The following PSKH1 variants were observed in gnomAD, a reference collection of about 807,000 sequenced individuals.
PSKH1 encodes protein serine kinase H1.
Under a neutral mutation model 26.7 loss-of-function variants are expected in PSKH1, and 12 were observed. The observed-to-expected ratio is 0.45, with a 90% confidence interval of 0.29 to 0.73. The LOEUF is 0.73. Ranked by LOEUF, PSKH1 falls within the 30% of genes least tolerant of loss-of-function variation. The probability of loss-of-function intolerance (pLI) is 0.11; values close to 1 mark genes in which losing one functional copy is unlikely to be tolerated. For synonymous variants in PSKH1, 213 were observed against 234.3 expected (o/e 0.91, Z 0.83); for missense variants, 431 against 595.2 (o/e 0.72, Z 2.87).
In PSKH1 at chr16:67,927,653, T is replaced by C; in HGVS notation, c.*11T>C. 1 of 1,592,330 alleles carries C rather than the reference T, an allele frequency of 6.3e-7. No individual in the cohort carries two copies. The highest frequency in any genetic ancestry group is 1.1e-5 in the South Asian group (1 of 89,986). Reference sequence around the variant, plus strand: ...CAATACAATGGCTGAGCCGCCTGGCTGTGCACACATGCAGCACGACCCAGC... The same window carrying C: ...CAATACAATGGCTGAGCCGCCTGGCCGTGCACACATGCAGCACGACCCAGC... On this transcript the variant is annotated 3_prime_UTR_variant, in exon 3 of 3. Transcript: ENST00000291041. This position sits in a 1 kb window ranked among gnomAD's most constrained non-coding sequence, Gnocchi z 5.5.
At chr16:67,907,761 A>G (rs966888839) in intron 1 of PSKH1, among the ~76,000 whole-genome samples, 4 of 152,168 alleles carry the variant, frequency 2.6e-5, no homozygotes, top group Non-Finnish European at 4.4e-5. Context: ...GGGACAGTGC[A>G]TTAGCAAAGG....
At chr16:67,925,091 C>T (rs1165043755) in intron 2 of PSKH1, among the ~76,000 whole-genome samples, 1 of 152,134 alleles carries the variant, frequency 6.6e-6, no homozygotes, top group Non-Finnish European at 1.5e-5. Flanking sequence ...AGGCGGAAGC[C>T]ACTGCTCCTG....
intron 2 of PSKH1, among the ~76,000 whole-genome samples, chr16:67,923,688 C>T (rs2058209106): frequency 6.6e-6 from 1 of 152,266 alleles, no homozygotes; most frequent in Non-Finnish European, 1.5e-5. Context: ...CCTGTGCCAT[C>T]TGTCAGCCAA....
chr16:67,921,048 A>G (rs1213106946), intron 2 of PSKH1, among the ~76,000 whole-genome samples: 1 of 152,086 alleles, frequency 6.6e-6, no homozygotes, highest in Non-Finnish European at 1.5e-5. Context: ...TGGGAGGCCA[A>G]GGTGGGTGGC....
At chr16:67,902,538 C>T (rs546262104) in intron 1 of PSKH1, among the ~76,000 whole-genome samples, 4 of 152,234 alleles carry the variant, frequency 2.6e-5, no homozygotes, top group Admixed American at 6.5e-5. Context: ...CCTTGTGATC[C>T]GCCCACCTCA....
At chr16:67,913,832 A>G (rs988005450) in intron 2 of PSKH1, among the ~76,000 whole-genome samples, 15 of 152,312 alleles carry the variant, frequency 9.8e-5, no homozygotes, top group Admixed American at 2.0e-4. Flanking sequence ...TGTTGATAAC[A>G]CTGACCTATA....
At position 67,909,662 on chromosome 16, in the gene PSKH1, C is replaced by T; in HGVS notation, c.913C>T (p.Leu305=). The T allele has an allele frequency of 1.2e-6, 2 of 1,613,550 alleles. No homozygotes were observed. Among genetic ancestry groups the T allele is most frequent in the Non-Finnish European group, 1.7e-6 (2 of 1,180,024 alleles). Residue 305 remains leucine (L), a synonymous_variant, in exon 2 of 3, where the codon CTG becomes TTG. Transcript: ENST00000291041. This position sits in a 1 kb window ranked among gnomAD's most constrained non-coding sequence, Gnocchi z 7.8. The stretch of plus-strand genomic sequence containing the variant: ...GTTTGAGGATGACAACCGTACCCGG[C>T]TGTACCGGCAGATCCTCAGGGGCAA... ...MPFEDDNRTR[L]YRQILRGKYS...
intron 2 of PSKH1, among the ~76,000 whole-genome samples, chr16:67,912,881 A>T (rs909366191): frequency 1.3e-5 from 2 of 150,416 alleles, no homozygotes; most frequent in East Asian, 4.0e-4. Flanking sequence ...AAAAAGAAAC[A>T]AAAAAAAAGA....
chr16:67,894,564 C>G (rs1272093168), intron 1 of PSKH1, among the ~76,000 whole-genome samples: 1 of 152,200 alleles, frequency 6.6e-6, no homozygotes, highest in Non-Finnish European at 1.5e-5. Context: ...TGAGATGTCA[C>G]TTCCTAGGAA....
At position 67,909,687 on chromosome 16, in the gene PSKH1, A is replaced by C; in HGVS notation, c.938A>C (p.Lys313Thr). The change falls in exon 2 of 3, where the codon AAG (lysine) becomes ACG (threonine). Residue 313 changes from lysine to threonine, a missense_variant. Coordinates refer to ENST00000291041, the MANE Select transcript of PSKH1 (RefSeq NM_006742.3). This position sits in a 1 kb window ranked among gnomAD's most constrained non-coding sequence, Gnocchi z 7.8. ...CTGTACCGGCAGATCCTCAGGGGCAAGTACAGTTACTCTGGGGAGGTGAGT... is the reference window on the plus strand; with the variant it reads ...CTGTACCGGCAGATCCTCAGGGGCACGTACAGTTACTCTGGGGAGGTGAGT... ...TRLYRQILRG[K>T]YSYSGEPWPS... The C allele has an allele frequency of 6.2e-7, 1 of 1,612,222 alleles. No homozygotes were observed. The highest frequency in any genetic ancestry group is 8.5e-7 in the Non-Finnish European group (1 of 1,179,906).
chr16:67,901,352 G>C (rs1026645535), intron 1 of PSKH1, among the ~76,000 whole-genome samples: 1 of 152,160 alleles, frequency 6.6e-6, no homozygotes, highest in Non-Finnish European at 1.5e-5. Context: ...TTCTTTAAGA[G>C]ACGGAGTTTC....
chr16:67,925,832 C>T (rs543292524), intron 2 of PSKH1, among the ~76,000 whole-genome samples: 9 of 152,206 alleles, frequency 5.9e-5, no homozygotes, highest in Middle Eastern at 3.4e-3. Context: ...TTCCTCAGGA[C>T]GGTGGAAGCG....
intron 1 of PSKH1, among the ~76,000 whole-genome samples, chr16:67,908,272 T>G (rs1567399007): frequency 6.6e-6 from 1 of 151,952 alleles, no homozygotes; most frequent in Non-Finnish European, 1.5e-5. Context: ...GACTTCAGTT[T>G]TTTGTTTGTT....
intron 1 of PSKH1, among the ~76,000 whole-genome samples, chr16:67,906,607 C>T (rs374095768): frequency 5.3e-5 from 8 of 152,150 alleles, no homozygotes; most frequent in Admixed American, 2.0e-4. Flanking sequence ...TCAAGTGATC[C>T]GCCCACCTCG....
At position 67,916,993 on chromosome 16, in the gene PSKH1, C is replaced by T. The variant is rs375318363; in HGVS notation, c.957+7287C>T. ...CACCACAGGCCTGAGCCATTGCCCC[C>T]ATTCACTCTCCACACCAAGCTTCTG... is the stretch of plus-strand genomic sequence containing the variant. On this transcript the variant is annotated intron_variant, in intron 2 of 2. Transcript: ENST00000291041. Among the ~76,000 whole-genome samples, 163 of 152,328 alleles carry T rather than the reference C, an allele frequency of 1.1e-3. 2 individuals carry two copies. The highest frequency in any genetic ancestry group is 3.5e-4 in the Non-Finnish European group (24 of 68,016).
chr16:67,927,797 C>T lies in PSKH1; in HGVS notation c.*155C>T. ...CCTTTCTCTGTGCCTTCAGCAGCCC[C>T]TGTCCTCACCATGGGCCTGGGCCAG... is the stretch of plus-strand genomic sequence containing the variant. On this transcript the variant is annotated 3_prime_UTR_variant, in exon 3 of 3. Transcript: ENST00000291041. This position sits in a 1 kb window ranked among gnomAD's most constrained non-coding sequence, Gnocchi z 5.5. The T allele has an allele frequency of 2.2e-6, 2 of 900,760 alleles. No individual in the cohort carries two copies. Among genetic ancestry groups the T allele is most frequent in the Non-Finnish European group, 3.3e-6 (2 of 608,932 alleles). The allele number at this position is 900,760 out of a possible 1,614,324, so 55.8% of individuals were successfully genotyped here.
intron 1 of PSKH1, among the ~76,000 whole-genome samples, chr16:67,898,863 C>T (rs1389979512): frequency 5.3e-5 from 8 of 152,040 alleles, no homozygotes; most frequent in Non-Finnish European, 1.0e-4. Context: ...CCTCGTGATC[C>T]GCCTGCCTCA....
chr16:67,904,559 C>T (rs1229136198), intron 1 of PSKH1, among the ~76,000 whole-genome samples: 1 of 152,014 alleles, frequency 6.6e-6, no homozygotes, highest in Non-Finnish European at 1.5e-5. Flanking sequence ...AGGCTGGTCT[C>T]AAACTCCCTA....
chr16:67,898,258 C>G (rs55958823), intron 1 of PSKH1, among the ~76,000 whole-genome samples: 9 of 152,068 alleles, frequency 5.9e-5, no homozygotes, highest in African/African-American at 2.2e-4. Flanking sequence ...AACCCTGTCT[C>G]TACTGAAAAT....
Sources: gnomAD v4.1 joint callset for allele counts (sites outside exome capture counted in the v4.1 genomes callset) on GRCh38, gnomAD v4.1.1 for gene constraint, Gnocchi (gnomAD v3.1) non-coding constraint, MANE v1.5 for transcripts, NCBI Gene and HGNC (gene_info 2026-07-23, HGNC 2026-07-21) for gene names.